The following SCAPER variants were observed in gnomAD, a reference collection of about 807,000 sequenced individuals.
The protein encoded by SCAPER is S phase cyclin A-associated protein in the endoplasmic reticulum.
Under a neutral mutation model 182.2 loss-of-function variants are expected in SCAPER, and 98 were observed. The observed-to-expected ratio is 0.54, with a 90% CI of 0.46 to 0.64. The LOEUF (loss-of-function observed/expected upper bound fraction) is 0.64. Ranked by LOEUF, SCAPER falls within the 30% of genes least tolerant of loss-of-function variation. The pLI, the probability that SCAPER is intolerant of heterozygous loss-of-function variation, is 0.00. For synonymous variants in SCAPER, 605 were observed against 564.6 expected (o/e 1.07, Z -1.01); for missense variants, 1,432 against 1,690.0 (o/e 0.85, Z 2.68).
intron 1 of SCAPER, among the ~76,000 whole-genome samples, chr15:76,888,082 G>C (rs987927101): frequency 1.3e-5 from 2 of 152,254 alleles, no homozygotes; most frequent in Non-Finnish European, 2.9e-5. Context: ...CTGCAGCTGA[G>C]GGACCTGACT....
At chr15:76,472,431 C>G (rs2050260209) in intron 24 of SCAPER, 1 of 583,832 alleles carries the variant, frequency 1.7e-6, no homozygotes, top group Non-Finnish European at 3.1e-6. Context: ...ACTATTTTTA[C>G]GAAGTTTTAT....
At chr15:76,410,859 G>A (rs939326847) in intron 26 of SCAPER, among the ~76,000 whole-genome samples, 3 of 131,174 alleles carry the variant, frequency 2.3e-5, no homozygotes, top group African/African-American at 5.1e-5. Flanking sequence ...TAATTCTATT[G>A]TCTATCCTTC....
At chr15:76,505,063 G>A (rs2041457380) in intron 23 of SCAPER, 89 bp from the exon 24 acceptor site, 1 of 829,522 alleles carries the variant, frequency 1.2e-6, no homozygotes, top group East Asian at 2.7e-5. Flanking sequence ...CATACTGATG[G>A]TTCAACTATT....
At chr15:76,400,055 A>G (rs1265557574) in intron 27 of SCAPER, among the ~76,000 whole-genome samples, 1 of 152,060 alleles carries the variant, frequency 6.6e-6, no homozygotes, top group Non-Finnish European at 1.5e-5. Flanking sequence ...CTAGGTAAAA[A>G]TTAGAAGATT....
intron 23 of SCAPER, among the ~76,000 whole-genome samples, chr15:76,526,444 C>T (rs1475286166): frequency 6.6e-6 from 1 of 152,082 alleles, no homozygotes; most frequent in Non-Finnish European, 1.5e-5. Flanking sequence ...CACTGTGATG[C>T]CTTTATTCAA....
In SCAPER at chr15:76,841,785, T is replaced by C. The variant is rs747876880; in HGVS notation, c.342A>G (p.Val114=). The part of the protein sequence containing the change: ...AFLFDNLRRA[V]DEIYVTCESD... ...ATTCGCAAGTTACATAGATTTCATC[T>C]ACTGCTCGGCGAAGATTATCAAAAA... The change falls in exon 5 of 32, where the codon GTA becomes GTG. Residue 114 remains valine (V), a synonymous_variant. Transcript: ENST00000563290. 1 of 1,613,938 alleles carries C rather than the reference T, an allele frequency of 6.2e-7. No homozygotes were observed. Among genetic ancestry groups the C allele is most frequent in the South Asian group, 1.1e-5 (1 of 91,086 alleles).
intron 21 of SCAPER, among the ~76,000 whole-genome samples, chr15:76,637,450 C>T (rs1335215842): frequency 6.6e-6 from 1 of 151,808 alleles, no homozygotes; most frequent in Non-Finnish European, 1.5e-5. Context: ...AGTGGCTCAC[C>T]ACCTGTAACA....
intron 20 of SCAPER, among the ~76,000 whole-genome samples, chr15:76,669,889 T>A (rs1016346317): frequency 2.0e-5 from 3 of 152,192 alleles, no homozygotes; most frequent in African/African-American, 7.2e-5. Context: ...TTATACAATT[T>A]TCAGTTGTAT....
chr15:76,667,396 C>A (rs1230734506), intron 20 of SCAPER, among the ~76,000 whole-genome samples: 3 of 152,076 alleles, frequency 2.0e-5, no homozygotes, highest in Non-Finnish European at 4.4e-5. Flanking sequence ...ATACTCAGAG[C>A]TTTCTTCTTC....
chr15:76,427,933 CAA>C lies in SCAPER; in HGVS notation c.3311+6143_3311+6144del, dbSNP rs35011897. On this transcript the variant is annotated intron_variant, in intron 26 of 31. Coordinates refer to ENST00000563290, the MANE Select transcript of SCAPER (RefSeq NM_020843.4). The stretch of plus-strand genomic sequence containing the variant: ...GGGTGACATGAGCAAAACTCCATCT[CAA>C]AAAAAAAAAAAAAAATTAGCTGGGT... Among the ~76,000 whole-genome samples the C allele has an allele frequency of 4.7e-3, 626 of 131,906 alleles. 6 individuals are homozygous for C. Among genetic ancestry groups the C allele is most frequent in the African/African-American group, 9.5e-3 (341 of 35,920 alleles). 86.5% of individuals were successfully genotyped at this position (131,906 alleles called of 152,430 possible). A position where few individuals can be genotyped will look rare whatever the true frequency, so the allele number is the denominator to read the frequency against.
chr15:76,609,360 G>T (rs147640191), intron 22 of SCAPER, among the ~76,000 whole-genome samples: 1 of 151,574 alleles, frequency 6.6e-6, no homozygotes, highest in Admixed American at 6.6e-5. Context: ...ATGGTGGCGT[G>T]TGCCTGTAGT....
chr15:76,463,503 A>C (rs1186395877), intron 25 of SCAPER, among the ~76,000 whole-genome samples: 2 of 152,152 alleles, frequency 1.3e-5, no homozygotes, highest in Non-Finnish European at 2.9e-5. Context: ...CATATCAATT[A>C]TTTAAGGTTA....
chr15:76,615,302 C>T (rs1014877038), intron 22 of SCAPER, among the ~76,000 whole-genome samples: 2 of 151,678 alleles, frequency 1.3e-5, no homozygotes, highest in African/African-American at 2.4e-5. Context: ...AAAAATTATC[C>T]GAGTTGGTGG....
intron 23 of SCAPER, among the ~76,000 whole-genome samples, chr15:76,549,332 C>T (rs1026773397): frequency 6.6e-6 from 1 of 152,142 alleles, no homozygotes; most frequent in African/African-American, 2.4e-5. Flanking sequence ...GCACTATTCA[C>T]AACAGCAAAG....
intron 23 of SCAPER, among the ~76,000 whole-genome samples, chr15:76,562,690 T>C (rs2046734573): frequency 6.6e-6 from 1 of 152,210 alleles, no homozygotes; most frequent in Non-Finnish European, 1.5e-5. Flanking sequence ...ATTGGTACAA[T>C]TTCTTTGGAA....
intron 17 of SCAPER, among the ~76,000 whole-genome samples, chr15:76,715,337 C>T (rs2059831839): frequency 1.3e-5 from 2 of 152,024 alleles, no homozygotes; most frequent in South Asian, 4.1e-4. Flanking sequence ...AGTAGCTATG[C>T]CTTCTGGGGC....
chr15:76,377,253 A>G (rs1485784768), intron 28 of SCAPER, among the ~76,000 whole-genome samples: 1 of 152,212 alleles, frequency 6.6e-6, no homozygotes, highest in Non-Finnish European at 1.5e-5. Flanking sequence ...CATTCCTGAA[A>G]CAAAATTACT....
In SCAPER at chr15:76,724,061, C is replaced by T. The variant is rs139450539; in HGVS notation, c.2165+4534G>A. ...GACATGTTTTTGCAGTGGGTGGTACCGGTTGTTCCTTTCCATGTTTAGTGC... is the reference window on the plus strand; with the variant it reads ...GACATGTTTTTGCAGTGGGTGGTACTGGTTGTTCCTTTCCATGTTTAGTGC... On this transcript the variant is annotated intron_variant, in intron 17 of 31. Transcript: ENST00000563290. Among the ~76,000 whole-genome samples the T allele has an allele frequency of 2.6e-4, 39 of 152,154 alleles. No individual in the cohort carries two copies. The East Asian group carries it at 6.6e-3, about 26-fold the overall frequency.
In SCAPER at chr15:76,353,950, T is replaced by C; in HGVS notation, c.4046A>G (p.Gln1349Arg). Residue 1349 changes from glutamine (Q) to arginine (R), a missense_variant and splice_region_variant, in exon 30 of 32, where the codon CAG becomes CGG. Transcript: ENST00000563290. ...MSCVLLATFI[Q>R]DLAQTPGQAE... ...AATTACGTATAATGTAGAAGGTACC[T>C]GAATGAAAGTGGCCAGTAAAACACA... 2 of 1,561,932 alleles carry C rather than the reference T, an allele frequency of 1.3e-6. No homozygotes were observed. The highest frequency in any genetic ancestry group is 2.8e-5 in the African/African-American group (2 of 71,644).
Sources: allele counts gnomAD v4.1 joint callset (sites outside exome capture counted in the v4.1 genomes callset), GRCh38; gene constraint gnomAD v4.1.1; transcripts MANE v1.5; gene names NCBI Gene and HGNC (gene_info 2026-07-23, HGNC 2026-07-21).